The following PLXDC2 variants were observed in gnomAD, a reference collection of about 807,000 sequenced individuals.
The protein encoded by PLXDC2 is plexin domain containing 2, also known as plexin domain-containing protein 2.
PLXDC2 carries 40 observed loss-of-function variants against 68.9 expected under a neutral mutation model. The ratio of observed to expected loss-of-function variants is 0.58; its 90% confidence interval spans 0.45 to 0.76. PLXDC2 has a LOEUF of 0.76. Ranked by LOEUF, PLXDC2 falls within the 30% of genes least tolerant of loss-of-function variation. PLXDC2 has a pLI of 0.00. For missense variants in PLXDC2, 644 were observed against 661.9 expected, an observed-to-expected ratio of 0.97 and a Z score of 0.30; for synonymous variants, 243 against 234.2, an observed-to-expected ratio of 1.04 and a Z score of -0.34.
intron 11 of PLXDC2, 79 bp from the exon 12 acceptor site, chr10:20,218,985 G>T: frequency 6.7e-7 from 1 of 1,492,566 alleles, no homozygotes; most frequent in Non-Finnish European, 9.2e-7. Context: ...GCAGTTAGTA[G>T]ACAATTACTA....
chr10:19,878,537 A>T (rs1837674745), intron 1 of PLXDC2, among the ~76,000 whole-genome samples: 1 of 152,208 alleles, frequency 6.6e-6, no homozygotes. Context: ...ATTCCCAAAG[A>T]AAGTCTTTGG....
intron 12 of PLXDC2, among the ~76,000 whole-genome samples, chr10:20,220,134 G>A (rs1202700624): frequency 6.6e-6 from 1 of 152,128 alleles, no homozygotes; most frequent in East Asian, 1.9e-4. Context: ...ATTTTGTAGT[G>A]TTTTATTTCA....
chr10:19,943,319 G>A (rs73603677), intron 1 of PLXDC2, among the ~76,000 whole-genome samples: 5,312 of 151,904 alleles, frequency 0.035, 309 homozygotes, highest in African/African-American at 0.12. Context: ...AGTAATAGAT[G>A]CTAAATTTAA....
chr10:20,058,500 A>G (rs947228932), intron 3 of PLXDC2, among the ~76,000 whole-genome samples: 5 of 152,216 alleles, frequency 3.3e-5, no homozygotes, highest in African/African-American at 1.2e-4. Flanking sequence ...ATAATTTAGC[A>G]TTTATACAAT....
At chr10:20,165,243 A>G (rs1307675705) in intron 7 of PLXDC2, among the ~76,000 whole-genome samples, 3 of 152,104 alleles carry the variant, frequency 2.0e-5, no homozygotes, top group Non-Finnish European at 4.4e-5. Context: ...TAAGTGTATG[A>G]GCAAAACCGC....
intron 12 of PLXDC2, among the ~76,000 whole-genome samples, chr10:20,221,464 T>A (rs1056227523): frequency 6.6e-6 from 1 of 152,192 alleles, no homozygotes; most frequent in Non-Finnish European, 1.5e-5. Context: ...GACTTCAGAC[T>A]CTTCTTATAT....
At chr10:20,183,300 A>G (rs1169817565) in intron 9 of PLXDC2, among the ~76,000 whole-genome samples, 1 of 151,942 alleles carries the variant, frequency 6.6e-6, no homozygotes, top group Non-Finnish European at 1.5e-5. Context: ...CTATGGAGAG[A>G]GTATAAATTG....
intron 1 of PLXDC2, among the ~76,000 whole-genome samples, chr10:19,898,784 A>G (rs73601632): frequency 0.095 from 14,455 of 152,104 alleles, 729 homozygotes; most frequent in Non-Finnish European, 0.12. Context: ...AATTTCTTAT[A>G]CGCAACAGAT....
chr10:19,870,665 A>G (rs908132324), intron 1 of PLXDC2, among the ~76,000 whole-genome samples: 64 of 152,244 alleles, frequency 4.2e-4, no homozygotes, highest in African/African-American at 1.5e-3. Context: ...ACCTGAAGTG[A>G]TCTGCCTGCC....
Position 19,926,746 on chromosome 10 carries a change from G to T in PLXDC2, c.113-75029G>T, listed in dbSNP as rs906598000. Among the ~76,000 whole-genome samples the T allele has an allele frequency of 2.6e-5, 4 of 152,298 alleles. No homozygotes were observed. The East Asian group carries it at 7.7e-4, about 29-fold the overall frequency. On this transcript the variant is annotated intron_variant, in intron 1 of 13. Coordinates refer to ENST00000377252, the MANE Select transcript of PLXDC2 (RefSeq NM_032812.9). ...TGTATAGAAGACTTCACTGTGAAAT[G>T]AGAAAGCACGTAGTTTCAGTTACTG...
chr10:20,195,855 C>A (rs553827930), intron 9 of PLXDC2, among the ~76,000 whole-genome samples: 3 of 152,076 alleles, frequency 2.0e-5, no homozygotes, highest in African/African-American at 7.2e-5. Context: ...TTAAACTGAA[C>A]AGCACTGAAC....
At chr10:19,966,441 TA>T (rs1834263188) in intron 1 of PLXDC2, among the ~76,000 whole-genome samples, 1 of 150,990 alleles carries the variant, frequency 6.6e-6, no homozygotes, top group Non-Finnish European at 1.5e-5. Context: ...TGCACATATA[TA>T]TAAAACATGT....
intron 1 of PLXDC2, among the ~76,000 whole-genome samples, chr10:19,837,694 A>G (rs1395398573): frequency 6.6e-6 from 1 of 152,212 alleles, no homozygotes; most frequent in Non-Finnish European, 1.5e-5. Context: ...ACATGCAGAA[A>G]TGCAAACATA....
At chr10:19,984,875 A>G (rs146119185) in intron 1 of PLXDC2, among the ~76,000 whole-genome samples, 166 of 152,314 alleles carry the variant, frequency 1.1e-3, no homozygotes, top group African/African-American at 3.7e-3. Context: ...TACTTTTATT[A>G]TCAATGATAG....
chr10:19,863,832 A>G (rs1180803916), intron 1 of PLXDC2, among the ~76,000 whole-genome samples: 3 of 139,014 alleles, frequency 2.2e-5, no homozygotes, highest in Non-Finnish European at 3.3e-5. Flanking sequence ...AAATTTTTTA[A>G]TATCAGAGGG....
At chr10:20,160,935 G>A (rs551518479) in intron 6 of PLXDC2, among the ~76,000 whole-genome samples, 3 of 152,250 alleles carry the variant, frequency 2.0e-5, no homozygotes, top group African/African-American at 7.2e-5. Context: ...GCTGCAGTGA[G>A]CTATGATCAT....
rs115012731 is a variant in PLXDC2 at position 19,848,341 on chromosome 10, G to A, written c.112+31150G>A. On this transcript the variant is annotated intron_variant, in intron 1 of 13. Coordinates refer to ENST00000377252, the MANE Select transcript of PLXDC2 (RefSeq NM_032812.9). ...TTGTCATCTGTTTCTGCAGTTTGGT[G>A]GTTTTCACTGTGTGTGTCTCTTACC... 7.7e-3 allele frequency among the ~76,000 whole-genome samples: 1,169 copies of A among 152,184 alleles called. 14 individuals are homozygous for A. The highest frequency in any genetic ancestry group is 0.027 in the African/African-American group (1,119 of 41,526).
At chr10:20,186,532 C>A (rs1371507426) in intron 9 of PLXDC2, among the ~76,000 whole-genome samples, 1 of 151,770 alleles carries the variant, frequency 6.6e-6, no homozygotes, top group African/African-American at 2.4e-5. Context: ...GCCTACCAAC[C>A]AATAGTTACT....
chr10:20,157,965 G>A (rs1413085277), intron 6 of PLXDC2, among the ~76,000 whole-genome samples: 2 of 151,772 alleles, frequency 1.3e-5, no homozygotes, highest in Non-Finnish European at 2.9e-5. Context: ...AGAAATGTGC[G>A]ATTCAATACA....
Sources: gnomAD v4.1 joint callset for allele counts (sites outside exome capture counted in the v4.1 genomes callset) on GRCh38, gnomAD v4.1.1 for gene constraint, MANE v1.5 for transcripts, NCBI Gene and HGNC (gene_info 2026-07-23, HGNC 2026-07-21) for gene names.